Variants in ZNF146 observed in about 807,000 individuals in gnomAD.
ZNF146 encodes the protein zinc finger protein 146, also known as zinc finger protein OZF.
ZNF146 carries 9 observed loss-of-function variants against 22.2 expected under a neutral mutation model. The ratio of observed to expected loss-of-function variants is 0.41; its 90% CI spans 0.24 to 0.71. The LOEUF is 0.71. Among genes scored for constraint, ZNF146 ranks in the 30% least tolerant of loss-of-function variants. ZNF146 has a pLI of 0.34. For missense variants in ZNF146, 194 were observed against 344.8 expected (o/e 0.56, Z 3.46); for synonymous variants, 108 against 119.2 (o/e 0.91, Z 0.61).
rs138330976 is a variant in ZNF146 at position 36,215,422 on chromosome 19, G to T, written c.-929+226G>T. Among the ~76,000 whole-genome samples the T allele has an allele frequency of 4.6e-3, 704 of 152,160 alleles. 3 individuals are homozygous for T. Among genetic ancestry groups the T allele is most frequent in the Non-Finnish European group, 8.6e-3 (587 of 67,986 alleles). On this transcript the variant is annotated intron_variant, in intron 1 of 3. Coordinates refer to ENST00000443387, the MANE Select transcript of ZNF146 (RefSeq NM_007145.3). ...GTTGAGTGAATGTGAAACTGGGTGC[G>T]GGATTGTGTGTGATTGTGCCTAAGA...
rs1977730539 is a variant in ZNF146 at position 36,238,547 on chromosome 19, T to A, written c.*1228T>A. ...GTATAGGGATATCTTGTCTTATTTTTTGTACTTTTCTGTATTTTTAAAATT... is the reference window on the plus strand; with the variant it reads ...GTATAGGGATATCTTGTCTTATTTTATGTACTTTTCTGTATTTTTAAAATT... On this transcript the variant is annotated 3_prime_UTR_variant, in exon 4 of 4. Coordinates refer to ENST00000443387, the MANE Select transcript of ZNF146 (RefSeq NM_007145.3). 1 of 167,104 alleles carries A rather than the reference T, an allele frequency of 6.0e-6. No homozygotes were observed. Among genetic ancestry groups the A allele is most frequent in the South Asian group, 2.1e-4 (1 of 4,832 alleles). 10.4% of individuals were successfully genotyped at this position (167,104 alleles called of 1,614,324 possible). A position where few individuals can be genotyped will look rare whatever the true frequency, so the allele number is the denominator to read the frequency against.
intron 3 of ZNF146, among the ~76,000 whole-genome samples, chr19:36,233,517 C>T (rs558124590): frequency 3.3e-5 from 5 of 152,048 alleles, no homozygotes; most frequent in East Asian, 1.9e-4. Context: ...TCAAGAGGAC[C>T]GGCCTCTTGA....
At position 36,219,428 on chromosome 19, in the gene ZNF146, A is replaced by C. The variant is rs1042071108; in HGVS notation, c.-855+1233A>C. Reference sequence around the variant, plus strand: ...TTATGTTTATCTTTAGAAAGTCATCATTATCCGCTCCTTTGGAAGATTTGT... The same window carrying C: ...TTATGTTTATCTTTAGAAAGTCATCCTTATCCGCTCCTTTGGAAGATTTGT... On this transcript the variant is annotated intron_variant, in intron 2 of 3. Transcript: ENST00000443387. 3.9e-5 allele frequency among the ~76,000 whole-genome samples: 6 copies of C among 152,050 alleles called. No individual in the cohort carries two copies. In the East Asian group the frequency reaches 9.6e-4, roughly 24 times the overall value.
chr19:36,234,888 G>C (rs559302052), intron 3 of ZNF146, among the ~76,000 whole-genome samples: 2 of 152,074 alleles, frequency 1.3e-5, no homozygotes, highest in Non-Finnish European at 2.9e-5. Context: ...CTTTGTTCTC[G>C]TGACTGGACA....
At chr19:36,231,868 C>T (rs1007998351) in intron 3 of ZNF146, among the ~76,000 whole-genome samples, 4 of 151,616 alleles carry the variant, frequency 2.6e-5, no homozygotes, top group Admixed American at 1.3e-4. Flanking sequence ...GAGTTCTAGA[C>T]CAGCCTGGGC....
At chr19:36,229,389 G>A (rs1159706181) in intron 3 of ZNF146, among the ~76,000 whole-genome samples, 3 of 152,230 alleles carry the variant, frequency 2.0e-5, no homozygotes, top group East Asian at 1.9e-4. Flanking sequence ...TTATGTGTGG[G>A]GGTCTATATG....
intron 2 of ZNF146, among the ~76,000 whole-genome samples, chr19:36,226,908 A>G (rs1053747125): frequency 2.1e-4 from 32 of 151,520 alleles, no homozygotes; most frequent in African/African-American, 7.0e-4. Context: ...ACACAGAGAA[A>G]CTCCGTCTCT....
At chr19:36,231,056 CT>C (rs1240142991) in intron 3 of ZNF146, among the ~76,000 whole-genome samples, 1 of 152,090 alleles carries the variant, frequency 6.6e-6, no homozygotes, top group Non-Finnish European at 1.5e-5. Flanking sequence ...AATATACTGG[CT>C]TATTCCTAGG....
At chr19:36,220,877 T>C (rs916138698) in intron 2 of ZNF146, among the ~76,000 whole-genome samples, 6 of 151,252 alleles carry the variant, frequency 4.0e-5, no homozygotes, top group African/African-American at 1.5e-4. Flanking sequence ...TTTGAGATGT[T>C]GTCTTACTCT....
chr19:36,226,079 A>G (rs1977055035), intron 2 of ZNF146, among the ~76,000 whole-genome samples: 1 of 152,040 alleles, frequency 6.6e-6, no homozygotes, highest in South Asian at 2.1e-4. Context: ...CCACGGTAAC[A>G]TTTCTCCCTG....
intron 3 of ZNF146, among the ~76,000 whole-genome samples, chr19:36,230,904 C>T (rs1390535782): frequency 2.6e-5 from 4 of 152,112 alleles, no homozygotes; most frequent in Non-Finnish European, 5.9e-5. Context: ...CAGGTTCAAG[C>T]GATTCTCCTG....
chr19:36,235,125 C>T (rs1028737262), intron 3 of ZNF146, among the ~76,000 whole-genome samples: 2 of 151,678 alleles, frequency 1.3e-5, no homozygotes, highest in African/African-American at 4.8e-5. Flanking sequence ...TAGAGAATTG[C>T]TTGAACCCAG....
intron 3 of ZNF146, among the ~76,000 whole-genome samples, chr19:36,232,696 C>G (rs10418472): frequency 0.04 from 6,132 of 151,476 alleles, 397 homozygotes; most frequent in African/African-American, 0.14. Flanking sequence ...ACAACCTCCA[C>G]CTCCCGGTTT....
intron 2 of ZNF146, among the ~76,000 whole-genome samples, chr19:36,226,078 C>G (rs977737713): frequency 1.3e-5 from 2 of 152,134 alleles, no homozygotes; most frequent in African/African-American, 4.8e-5. Context: ...CCCACGGTAA[C>G]ATTTCTCCCT....
Position 36,236,149 on chromosome 19 carries a change from G to T in ZNF146, c.-292G>T. On this transcript the variant is annotated 5_prime_UTR_variant, in exon 4 of 4. Coordinates refer to ENST00000443387, the MANE Select transcript of ZNF146 (RefSeq NM_007145.3). ...AGGAGTATTGACAAGCCCTTAGCTA[G>T]ATGACAATCTCATTGAGAAGCAGAA... is the stretch of plus-strand genomic sequence containing the variant. 1 of 334,030 alleles carries T rather than the reference G, an allele frequency of 3.0e-6. No individual in the cohort carries two copies. The highest frequency in any genetic ancestry group is 5.4e-6 in the Non-Finnish European group (1 of 183,896). The allele number at this position is 334,030 out of a possible 1,614,324, so 20.7% of individuals were successfully genotyped here.
At chr19:36,220,690 A>C (rs2145404501) in intron 2 of ZNF146, among the ~76,000 whole-genome samples, 1 of 152,082 alleles carries the variant, frequency 6.6e-6, no homozygotes, top group African/African-American at 2.4e-5. Context: ...TATAGTAAAA[A>C]ATATGAAACA....
intron 3 of ZNF146, among the ~76,000 whole-genome samples, chr19:36,229,256 G>A (rs1344995842): frequency 1.3e-5 from 2 of 152,088 alleles, no homozygotes; most frequent in African/African-American, 2.4e-5. Flanking sequence ...CACACTTCCC[G>A]TTGTCTTCTC....
intron 3 of ZNF146, among the ~76,000 whole-genome samples, chr19:36,230,703 A>C (rs572358414): frequency 2.6e-4 from 39 of 152,236 alleles, no homozygotes; most frequent in African/African-American, 9.1e-4. Context: ...GGCAAAAGGG[A>C]ATAAGAGTAG....
chr19:36,216,415 T>C (rs2432040), intron 1 of ZNF146, among the ~76,000 whole-genome samples: 96,304 of 151,868 alleles, frequency 0.63, 30,727 homozygotes, highest in Middle Eastern at 0.71. Context: ...CCGAGATGGG[T>C]GGATTACCTG....
Sources: gnomAD v4.1 joint callset for allele counts (sites outside exome capture counted in the v4.1 genomes callset) on GRCh38, gnomAD v4.1.1 for gene constraint, MANE v1.5 for transcripts, NCBI Gene and HGNC (gene_info 2026-07-23, HGNC 2026-07-21) for gene names.